PSTPIP2: variants seen among roughly 807,000 people sequenced by gnomAD.
PSTPIP2 encodes proline-serine-threonine phosphatase-interacting protein 2.
A neutral mutation model predicts 63.3 loss-of-function variants in PSTPIP2; 33 were observed. The ratio of observed to expected loss-of-function variants is 0.52; its 90% CI spans 0.40 to 0.70. The LOEUF is 0.70. Ranked by LOEUF, PSTPIP2 falls within the 30% of genes least tolerant of loss-of-function variation. The pLI is 0.00. For missense variants in PSTPIP2, 312 were observed against 400.7 expected, an observed-to-expected ratio of 0.78 and a Z score of 1.89; for synonymous variants, 125 against 132.7, an observed-to-expected ratio of 0.94 and a Z score of 0.40.
intron 2 of PSTPIP2, 47 bp downstream of exon 2, chr18:46,039,900 A>G (rs778610081): frequency 3.4e-6 from 5 of 1,471,458 alleles, no homozygotes; most frequent in Middle Eastern, 1.7e-4. Flanking sequence ...GTCTGTGTGG[A>G]GACATCTTGG....
At chr18:45,987,718 T>C (rs1402547914) in intron 14 of PSTPIP2, among the ~76,000 whole-genome samples, 2 of 152,242 alleles carry the variant, frequency 1.3e-5, no homozygotes, top group Non-Finnish European at 2.9e-5. Context: ...AAAAGAATGA[T>C]ACTTTATGAA....
intron 3 of PSTPIP2, among the ~76,000 whole-genome samples, chr18:46,019,121 T>G (rs2051884429): frequency 6.6e-6 from 1 of 152,178 alleles, no homozygotes; most frequent in African/African-American, 2.4e-5. Context: ...TCACTGCTAC[T>G]TTCATGGAGG....
chr18:46,011,619 T>C (rs1265217222), intron 4 of PSTPIP2, among the ~76,000 whole-genome samples: 1 of 152,198 alleles, frequency 6.6e-6, no homozygotes, highest in Non-Finnish European at 1.5e-5. Context: ...AATTTCAAAT[T>C]TGACTCTTCA....
chr18:46,035,030 G>A (rs1349368929), intron 2 of PSTPIP2, among the ~76,000 whole-genome samples: 1 of 152,104 alleles, frequency 6.6e-6, no homozygotes, highest in Non-Finnish European at 1.5e-5. Flanking sequence ...GGGTGGGAGA[G>A]TCCATGGGCT....
chr18:45,993,959 C>A, intron 9 of PSTPIP2: 1 of 436,394 alleles, frequency 2.3e-6, no homozygotes. Flanking sequence ...TCCCAGATAC[C>A]AATGTTCTAA....
At chr18:46,026,984 C>G (rs942136407) in intron 2 of PSTPIP2, among the ~76,000 whole-genome samples, 1 of 151,956 alleles carries the variant, frequency 6.6e-6, no homozygotes, top group Non-Finnish European at 1.5e-5. Flanking sequence ...ATGCATGCAA[C>G]AAATAATTTT....
intron 4 of PSTPIP2, among the ~76,000 whole-genome samples, chr18:46,013,099 G>A (rs964018698): frequency 4.0e-5 from 6 of 150,844 alleles, no homozygotes; most frequent in Admixed American, 6.6e-5. Context: ...ATTTTAATAA[G>A]AAAATAAAAC....
At chr18:46,025,047 C>T (rs749456137) in intron 2 of PSTPIP2, among the ~76,000 whole-genome samples, 35 of 152,122 alleles carry the variant, frequency 2.3e-4, no homozygotes, top group African/African-American at 7.0e-4. Context: ...AATTCAAATA[C>T]GCAACTAAAC....
intron 1 of PSTPIP2, among the ~76,000 whole-genome samples, chr18:46,065,462 G>A (rs2144137371): frequency 6.6e-6 from 1 of 151,456 alleles, no homozygotes. Flanking sequence ...GCTAATTTTT[G>A]TTTTCGGTTG....
intron 1 of PSTPIP2, among the ~76,000 whole-genome samples, chr18:46,061,594 C>T (rs906045226): frequency 5.9e-5 from 9 of 152,142 alleles, no homozygotes; most frequent in African/African-American, 1.7e-4. Context: ...TAGACAAGAA[C>T]GCTGATTAAA....
At chr18:46,039,705 A>C (rs1908118140) in intron 2 of PSTPIP2, among the ~76,000 whole-genome samples, 1 of 152,150 alleles carries the variant, frequency 6.6e-6, no homozygotes, top group Non-Finnish European at 1.5e-5. Context: ...CCACAGTACT[A>C]AGTGTATTTC....
At chr18:46,042,698 T>G (rs757937754) in intron 1 of PSTPIP2, among the ~76,000 whole-genome samples, 26 of 152,188 alleles carry the variant, frequency 1.7e-4, no homozygotes, top group Non-Finnish European at 2.9e-5. Context: ...GGGTACCAAA[T>G]GGTCAGTGTC....
rs558134610 is a variant in PSTPIP2 at position 46,054,814 on chromosome 18, C to T, written c.34-14767G>A. ...TATCTAGGATTACAGGCACGTGCCA[C>T]CACGCCCAGCTAATTTTTGTATTTT... On this transcript the variant is annotated intron_variant, in intron 1 of 14. Coordinates refer to ENST00000409746, the MANE Select transcript of PSTPIP2 (RefSeq NM_024430.4). 2.0e-5 allele frequency among the ~76,000 whole-genome samples: 3 copies of T among 152,026 alleles called. No homozygotes were observed. The South Asian group carries it at 6.3e-4, about 32-fold the overall frequency.
rs34948592 is a variant in PSTPIP2 at position 46,063,614 on chromosome 18, T to TACAC, written c.33+8538_33+8541dup. On this transcript the variant is annotated intron_variant, in intron 1 of 14. Coordinates refer to ENST00000409746, the MANE Select transcript of PSTPIP2 (RefSeq NM_024430.4). Reference sequence around the variant, plus strand: ...ATACTGGATGTTAGAACATGTGAATTACACACACACACACACACACACACA... The same window carrying TACAC: ...ATACTGGATGTTAGAACATGTGAATTACACACACACACACACACACACACACACA... Among the ~76,000 whole-genome samples the TACAC allele has an allele frequency of 3.6e-3, 541 of 148,580 alleles. 3 individuals are homozygous for TACAC. The highest frequency in any genetic ancestry group is 7.5e-3 in the South Asian group (35 of 4,656).
chr18:46,032,754 CAAAA>C (rs762015034), intron 2 of PSTPIP2, among the ~76,000 whole-genome samples: 129 of 50,186 alleles, frequency 2.6e-3, no homozygotes, highest in African/African-American at 6.3e-3. Context: ...AACTCTGTGT[CAAAA>C]AAAAAAAAAA....
At chr18:46,006,040 T>C (rs1423836113) in intron 5 of PSTPIP2, among the ~76,000 whole-genome samples, 2 of 152,156 alleles carry the variant, frequency 1.3e-5, no homozygotes, top group East Asian at 3.9e-4. Context: ...GAAGCTGTTC[T>C]GTTACTCTTT....
chr18:46,008,100 C>T (rs988161953), intron 5 of PSTPIP2, among the ~76,000 whole-genome samples: 11 of 152,074 alleles, frequency 7.2e-5, no homozygotes, highest in African/African-American at 2.7e-4. Context: ...TCTGCTCAGA[C>T]CAAATCCAAT....
rs1370390249 is a variant in PSTPIP2, at chr18:45,990,704, C to T, written c.955+18G>A. 6.3e-7 allele frequency: 1 copy of T among 1,596,272 alleles called. No individual in the cohort carries two copies. The highest frequency in any genetic ancestry group is 8.6e-7 in the Non-Finnish European group (1 of 1,165,108). On this transcript the variant is annotated intron_variant, in intron 13 of 14. Transcript: ENST00000409746. ...CTTGCAATATAAGAATTTCAAAAGA[C>T]CTTTTTTAGTGGCATACCTGGTGAG... is the stretch of plus-strand genomic sequence containing the variant.
At chr18:46,024,062 T>A (rs920276247) in intron 3 of PSTPIP2, among the ~76,000 whole-genome samples, 1 of 151,984 alleles carries the variant, frequency 6.6e-6, no homozygotes, top group Non-Finnish European at 1.5e-5. Context: ...ATAAAAAAAA[T>A]TATAATTTTT....
Sources: gnomAD v4.1 joint callset for allele counts (sites outside exome capture counted in the v4.1 genomes callset) on GRCh38, gnomAD v4.1.1 for gene constraint, MANE v1.5 for transcripts, NCBI Gene and HGNC (gene_info 2026-07-23, HGNC 2026-07-21) for gene names.